Variants in MAPRE2 observed in about 807,000 individuals in gnomAD.
The protein encoded by MAPRE2 is microtubule-associated protein RP/EB family member 2.
MAPRE2 carries 13 observed loss-of-function variants against 43.2 expected under a neutral mutation model. The ratio of observed to expected loss-of-function variants is 0.30; its 90% CI spans 0.20 to 0.48. MAPRE2 has a LOEUF of 0.48. MAPRE2 is among the 20% of genes least tolerant of loss of function. The pLI is 0.99. For synonymous variants in MAPRE2, 135 were observed against 148.8 expected, an observed-to-expected ratio of 0.91 and a Z score of 0.68; for missense variants, 161 against 400.2, an observed-to-expected ratio of 0.40 and a Z score of 5.10.
chr18:35,034,282 A>G (rs1458469122), intron 2 of MAPRE2, among the ~76,000 whole-genome samples: 2 of 152,214 alleles, frequency 1.3e-5, no homozygotes, highest in East Asian at 1.9e-4. Context: ...CTATTTAATA[A>G]ATGGTGCTGG....
rs1483703932 is a variant in MAPRE2 at position 35,055,533 on chromosome 18, T to TTC, written c.122+13876_122+13877dup. On this transcript the variant is annotated intron_variant, in intron 1 of 6. Transcript: ENST00000300249. The stretch of plus-strand genomic sequence containing the variant: ...TGAATCTTGCAGGGACACTATTCAG[T>TTC]TCTCTGTGTGTGTGTGTGTGTGTGT... 5.4e-3 allele frequency among the ~76,000 whole-genome samples: 386 copies of TTC among 70,920 alleles called. 1 individual carries two copies. Among genetic ancestry groups the TTC allele is most frequent in the African/African-American group, 0.023 (368 of 16,044 alleles). 46.5% of individuals were successfully genotyped at this position (70,920 alleles called of 152,430 possible).
At chr18:35,015,492 TAGTA>T (rs931117949) in intron 2 of MAPRE2, among the ~76,000 whole-genome samples, 1 of 152,094 alleles carries the variant, frequency 6.6e-6, no homozygotes, top group Non-Finnish European at 1.5e-5. Context: ...GGCATATAGT[TAGTA>T]AGTGGTAGAG....
intron 1 of MAPRE2, among the ~76,000 whole-genome samples, chr18:35,044,090 G>T (rs576066482): frequency 1.3e-5 from 2 of 152,314 alleles, no homozygotes; most frequent in East Asian, 3.9e-4. Context: ...AGATGTGCCT[G>T]GAAGTTCTGG....
chr18:35,017,440 T>C lies in MAPRE2; in HGVS notation c.-8+11887T>C, dbSNP rs1296292668. ...TATTGATTCTTCCAATCCATGAGCA[T>C]GGAATGTTTTCCATTTGTTTGTGTC... On this transcript the variant is annotated intron_variant, in intron 2 of 7. Coordinates refer to the MAPRE2 transcript ENST00000413393. Among the ~76,000 whole-genome samples the C allele has an allele frequency of 3.9e-5, 6 of 152,016 alleles. No homozygotes were observed. In the South Asian group the frequency reaches 1.0e-3, roughly 26 times the overall value.
chr18:35,090,778 T>A (rs891237860), intron 2 of MAPRE2, among the ~76,000 whole-genome samples: 1 of 150,370 alleles, frequency 6.7e-6, no homozygotes, highest in African/African-American at 2.4e-5. Context: ...TAGGAGGAAG[T>A]CAAATTGTTT....
At chr18:35,082,229 G>A (rs1368366112) in intron 2 of MAPRE2, 2 of 72,562 alleles carry the variant, frequency 2.8e-5, no homozygotes, top group Non-Finnish European at 4.3e-5. Context: ...GGCGGAGCTT[G>A]CAGTGAGCCG....
intron 2 of MAPRE2, among the ~76,000 whole-genome samples, chr18:35,022,844 T>C (rs1394356703): frequency 6.6e-6 from 1 of 152,184 alleles, no homozygotes; most frequent in African/African-American, 2.4e-5. Context: ...ACAGGTACTG[T>C]GCCTTGGAAT....
At chr18:34,983,472 G>A (rs1025241823) in intron 1 of MAPRE2, among the ~76,000 whole-genome samples, 1 of 152,040 alleles carries the variant, frequency 6.6e-6, no homozygotes, top group Non-Finnish European at 1.5e-5. Flanking sequence ...TTCAACCTGT[G>A]AGGGCCTTCC....
chr18:35,132,100 A>G lies in MAPRE2; in HGVS notation c.819A>G (p.Arg273=), dbSNP rs957750650. Residue 273 remains arginine (R), a synonymous_variant, in exon 6 of 7, where the codon AGA becomes AGG. Coordinates refer to ENST00000300249, the MANE Select transcript of MAPRE2 (RefSeq NM_014268.4). ...GGGATTTCTACTTTGGGAAGTTGAG[A>G]GAGATCGAGCTACTCTGCCAAGAAC... The part of the protein sequence containing the change: ...KERDFYFGKL[R]EIELLCQEHG... 3 of 1,614,068 alleles carry G rather than the reference A, an allele frequency of 1.9e-6. No individual in the cohort carries two copies. Among genetic ancestry groups the G allele is most frequent in the Non-Finnish European group, 2.5e-6 (3 of 1,180,026 alleles).
At chr18:35,130,829 C>T (rs532612920) in intron 5 of MAPRE2, among the ~76,000 whole-genome samples, 1 of 152,238 alleles carries the variant, frequency 6.6e-6, no homozygotes, top group South Asian at 2.1e-4. Flanking sequence ...GATTTGAAAC[C>T]AGATCTAGTC....
At chr18:35,122,321 T>G (rs1417762663) in intron 4 of MAPRE2, among the ~76,000 whole-genome samples, 1 of 152,186 alleles carries the variant, frequency 6.6e-6, no homozygotes, top group Non-Finnish European at 1.5e-5. Flanking sequence ...ATTATGGGGT[T>G]TTTTTGTTGT....
At position 35,118,807 on chromosome 18, in the gene MAPRE2, C is replaced by T. The variant is rs192822748; in HGVS notation, c.611-8141C>T. Among the ~76,000 whole-genome samples the T allele has an allele frequency of 1.1e-4, 16 of 152,314 alleles. No individual in the cohort carries two copies. In the East Asian group the frequency reaches 3.1e-3, roughly 30 times the overall value. ...ACAGTATCCCATTCTTACCCTGCCT[C>T]ACCCACCTGACCTGGCTGCTGAGTG... is the stretch of plus-strand genomic sequence containing the variant. On this transcript the variant is annotated intron_variant, in intron 4 of 6. Coordinates refer to ENST00000300249, the MANE Select transcript of MAPRE2 (RefSeq NM_014268.4).
chr18:35,039,795 GGAGT>G (rs528252359), upstream of MAPRE2, among the ~76,000 whole-genome samples: 36 of 152,314 alleles, frequency 2.4e-4, 1 homozygote, highest in East Asian at 5.4e-3. Context: ...GTGATGTGAA[GGAGT>G]GAGTCATAGC....
intron 2 of MAPRE2, among the ~76,000 whole-genome samples, chr18:35,079,456 C>A (rs114645851): frequency 9.2e-5 from 14 of 152,280 alleles, no homozygotes; most frequent in African/African-American, 3.4e-4. Flanking sequence ...CTTAGTCTTA[C>A]GTAAAAGGAC....
At chr18:35,055,166 C>A (rs769018975) in intron 1 of MAPRE2, among the ~76,000 whole-genome samples, 2 of 152,166 alleles carry the variant, frequency 1.3e-5, no homozygotes, top group Admixed American at 6.5e-5. Context: ...ACAAACCGGG[C>A]GGCTTCAAAT....
intron 5 of MAPRE2, among the ~76,000 whole-genome samples, chr18:35,130,287 TC>T (rs2144245254): frequency 6.6e-6 from 1 of 152,306 alleles, no homozygotes; most frequent in African/African-American, 2.4e-5. Context: ...ATAAGAGTTT[TC>T]TTTTTTCTGG....
In MAPRE2 at chr18:34,982,576, A is replaced by T. The variant is rs939931541; in HGVS notation, c.-70+5497A>T. Among the ~76,000 whole-genome samples, 5 of 152,318 alleles carry T rather than the reference A, an allele frequency of 3.3e-5. No individual in the cohort carries two copies. In the South Asian group the frequency reaches 8.3e-4, roughly 25 times the overall value. On this transcript the variant is annotated intron_variant, in intron 1 of 7. Transcript: ENST00000413393. ...AAAAAGTCTGGCTTTGGTATTTCAA[A>T]TCTCTTAATTTCACAAAATTTTTGT...
At chr18:34,994,295 C>T (rs2097025333) in intron 1 of MAPRE2, among the ~76,000 whole-genome samples, 1 of 152,150 alleles carries the variant, frequency 6.6e-6, no homozygotes, top group Non-Finnish European at 1.5e-5. Flanking sequence ...CTACAAAACA[C>T]GTAATCTGTA....
Position 34,981,317 on chromosome 18 carries a change from G to T in MAPRE2, c.-70+4238G>T, listed in dbSNP as rs1040363308. On this transcript the variant is annotated intron_variant, in intron 1 of 7. Coordinates refer to the MAPRE2 transcript ENST00000413393. ...TGAATCTGGGGAGGCAACAGAAGTTGCAGTGATCTAAGATTTCACCACTGC... is the reference window on the plus strand; with the variant it reads ...TGAATCTGGGGAGGCAACAGAAGTTTCAGTGATCTAAGATTTCACCACTGC... Among the ~76,000 whole-genome samples the T allele has an allele frequency of 2.6e-5, 4 of 151,908 alleles. No homozygotes were observed. In the South Asian group the frequency reaches 8.3e-4, roughly 32 times the overall value.
Sources: allele counts gnomAD v4.1 joint callset (sites outside exome capture counted in the v4.1 genomes callset), GRCh38; gene constraint gnomAD v4.1.1; transcripts MANE v1.5; gene names NCBI Gene and HGNC (gene_info 2026-07-23, HGNC 2026-07-21).